The following ARHGAP6 variants were observed in gnomAD, a reference collection of about 807,000 sequenced individuals.
ARHGAP6 encodes rho GTPase-activating protein 6.
Under a neutral mutation model 55.7 loss-of-function variants are expected in ARHGAP6, and 16 were observed. That is an observed-to-expected ratio of 0.29 (90% confidence interval 0.19 to 0.44). The LOEUF is 0.44. Ranked by LOEUF, ARHGAP6 falls within the 20% of genes least tolerant of loss-of-function variation. The pLI, the probability that ARHGAP6 is intolerant of heterozygous loss-of-function variation, is 1.00. For missense variants in ARHGAP6, 698 were observed against 808.9 expected (o/e 0.86, Z 1.66); for synonymous variants, 382 against 360.9 (o/e 1.06, Z -0.66).
intron 1 of ARHGAP6, among the ~76,000 whole-genome samples, chrX:11,286,192 T>A (rs2047919468): frequency 8.9e-6 from 1 of 112,242 alleles, no homozygotes; most frequent in Admixed American, 9.4e-5. Context: ...AATTTCTATC[T>A]TTTAAAATGT....
intron 1 of ARHGAP6, among the ~76,000 whole-genome samples, chrX:11,518,516 G>A (rs1603239692): frequency 1.4e-5 from 1 of 69,858 alleles, no homozygotes; most frequent in Admixed American, 1.9e-4. Flanking sequence ...TTTAAGTATT[G>A]GAAAGGCACA....
chrX:11,523,540 C>G (rs898031197), intron 1 of ARHGAP6, among the ~76,000 whole-genome samples: 4 of 112,041 alleles, frequency 3.6e-5, no homozygotes, highest in African/African-American at 1.3e-4. Flanking sequence ...AGCAAAGTCT[C>G]AGGATACAAA....
chrX:11,300,867 A>T (rs2048165656), intron 1 of ARHGAP6: 2 of 274,674 alleles, frequency 7.3e-6, no homozygotes, highest in East Asian at 5.6e-5. Flanking sequence ...TTAGTCATAC[A>T]AATTCACCAT....
At chrX:11,302,761 T>G (rs1393810644) in intron 1 of ARHGAP6, among the ~76,000 whole-genome samples, 1 of 110,921 alleles carries the variant, frequency 9.0e-6, no homozygotes, top group African/African-American at 3.3e-5. Flanking sequence ...AGAATGATTA[T>G]GTGGTTATGG....
chrX:11,520,140 T>TATATAC (rs1569379108), intron 1 of ARHGAP6, among the ~76,000 whole-genome samples: 6 of 51,148 alleles, frequency 1.2e-4, no homozygotes, highest in African/African-American at 4.7e-4. Context: ...TTTATATATA[T>TATATAC]ATATATATAT....
At chrX:11,480,070 C>T (rs879086103) in intron 1 of ARHGAP6, among the ~76,000 whole-genome samples, 2 of 111,615 alleles carry the variant, frequency 1.8e-5, no homozygotes, top group Admixed American at 1.9e-4. Flanking sequence ...TAATTGTTCT[C>T]ACTTGGATTT....
chrX:11,287,145 A>G (rs915067183), intron 1 of ARHGAP6, among the ~76,000 whole-genome samples: 1 of 112,682 alleles, frequency 8.9e-6, no homozygotes, highest in Admixed American at 9.4e-5. Flanking sequence ...TTACTAAACA[A>G]GAGCTTATAT....
At chrX:11,646,138 A>G (rs1381281443) in intron 1 of ARHGAP6, among the ~76,000 whole-genome samples, 3 of 111,509 alleles carry the variant, frequency 2.7e-5, no homozygotes, top group Non-Finnish European at 3.8e-5. Flanking sequence ...AGGAACTTCC[A>G]CACACTTATA....
chrX:11,593,253 G>C (rs2051859724), intron 1 of ARHGAP6, among the ~76,000 whole-genome samples: 1 of 111,906 alleles, frequency 8.9e-6, no homozygotes, highest in Admixed American at 9.5e-5. Flanking sequence ...TATTCCAGGA[G>C]AAGGAGAAAT....
intron 2 of ARHGAP6, among the ~76,000 whole-genome samples, chrX:11,213,642 C>T (rs912803615): frequency 2.7e-5 from 3 of 112,465 alleles, no homozygotes; most frequent in African/African-American, 9.7e-5. Context: ...TTAAGTGAAA[C>T]AAGTAAAACA....
At chrX:11,454,374 T>C (rs2050176573) in intron 1 of ARHGAP6, among the ~76,000 whole-genome samples, 1 of 111,414 alleles carries the variant, frequency 9.0e-6, no homozygotes. Context: ...TAAAATACTT[T>C]CCTTGAAGCA....
At chrX:11,159,839 G>A (rs957121798) in intron 9 of ARHGAP6, among the ~76,000 whole-genome samples, 1 of 110,981 alleles carries the variant, frequency 9.0e-6, no homozygotes, top group Non-Finnish European at 1.9e-5. Context: ...GGATATTTAG[G>A]TCAAGGGTGA....
chrX:11,512,411 C>A (rs1603237408), intron 1 of ARHGAP6, among the ~76,000 whole-genome samples: 2 of 111,505 alleles, frequency 1.8e-5, no homozygotes, highest in African/African-American at 6.5e-5. Context: ...TCCTCCCAGA[C>A]TGTGGTGAGT....
chrX:11,441,327 T>C (rs893043275), intron 1 of ARHGAP6, among the ~76,000 whole-genome samples: 1 of 112,047 alleles, frequency 8.9e-6, no homozygotes, highest in African/African-American at 3.2e-5. Context: ...GCTTTGATAA[T>C]TGGGTCTTGT....
rs747383365 is a variant in ARHGAP6 at position 11,144,227 on chromosome X, C to T, written c.1929G>A (p.Ser643=). ...TCCCTCCCACGGAAAAGGAAACTTCCGACTGCAGCATGTCAGGGCTTCTGG... is the reference window on the plus strand; with the variant it reads ...TCCCTCCCACGGAAAAGGAAACTTCTGACTGCAGCATGTCAGGGCTTCTGG... ...SQSSSPDMLQ[S]EVSFSVGGRH... is the part of the protein sequence containing the mutation. Residue 643 remains serine (S), a synonymous_variant, in exon 11 of 13, where the codon TCG becomes TCA. Coordinates refer to ENST00000337414, the MANE Select transcript of ARHGAP6 (RefSeq NM_013427.3). The T allele has an allele frequency of 3.3e-6, 4 of 1,211,456 alleles. No homozygotes were observed. The highest frequency in any genetic ancestry group is 3.0e-5 in the East Asian group (1 of 33,853).
At chrX:11,251,176 C>T (rs1418728647) in intron 2 of ARHGAP6, among the ~76,000 whole-genome samples, 1 of 111,662 alleles carries the variant, frequency 9.0e-6, no homozygotes, top group Non-Finnish European at 1.9e-5. Context: ...CCTCAAACCT[C>T]CAGGACCTCT....
At chrX:11,520,053 C>T (rs1165388093) in intron 1 of ARHGAP6, among the ~76,000 whole-genome samples, 1 of 88,721 alleles carries the variant, frequency 1.1e-5, no homozygotes, top group Non-Finnish European at 2.2e-5. Flanking sequence ...AACAGGCAAC[C>T]TACAACATGG....
chrX:11,549,743 C>T (rs2051247476), intron 1 of ARHGAP6, among the ~76,000 whole-genome samples: 1 of 112,622 alleles, frequency 8.9e-6, no homozygotes, highest in Non-Finnish European at 1.9e-5. Context: ...CATGAACCAA[C>T]ATGATCTGAA....
Position 11,397,090 on chromosome X carries a change from G to A in ARHGAP6, c.589-142383C>T, listed in dbSNP as rs761851245. The stretch of plus-strand genomic sequence containing the variant: ...AGATGCCCCTGCCTGTAAGAACTGC[G>A]ACAAGAAACTCCTTTTGATGGAAGT... On this transcript the variant is annotated intron_variant, in intron 1 of 12. Coordinates refer to ENST00000337414, the MANE Select transcript of ARHGAP6 (RefSeq NM_013427.3). 4.5e-5 allele frequency among the ~76,000 whole-genome samples: 5 copies of A among 111,264 alleles called. No homozygotes were observed. The East Asian group carries it at 8.5e-4, about 19-fold the overall frequency.
Sources: allele counts gnomAD v4.1 joint callset (sites outside exome capture counted in the v4.1 genomes callset), GRCh38; gene constraint gnomAD v4.1.1; transcripts MANE v1.5; gene names NCBI Gene and HGNC (gene_info 2026-07-23, HGNC 2026-07-21).